NAV3: variants seen among roughly 807,000 people sequenced by gnomAD.
The protein encoded by NAV3 is neuron navigator 3.
NAV3 carries 87 observed loss-of-function variants against 244.7 expected under a neutral mutation model. The ratio of observed to expected loss-of-function variants is 0.36; its 90% CI spans 0.30 to 0.42. The LOEUF is 0.42. NAV3 is among the 20% of genes least tolerant of loss of function. The probability of loss-of-function intolerance (pLI) is 1.00; values close to 1 mark genes in which losing one functional copy is unlikely to be tolerated. For missense variants in NAV3, 2,663 were observed against 2,893.3 expected, an observed-to-expected ratio of 0.92 and a Z score of 1.83; for synonymous variants, 1,126 against 1,042.2, an observed-to-expected ratio of 1.08 and a Z score of -1.55.
At chr12:78,088,848 C>G (rs1376653072) in intron 12 of NAV3, 1 of 152,046 alleles carries the variant, frequency 6.6e-6, no homozygotes, top group African/African-American at 2.4e-5. Flanking sequence ...ACATGTCATA[C>G]TAGCAAAGAC....
At chr12:78,114,670 C>G (rs1955280255) in intron 12 of NAV3, among the ~76,000 whole-genome samples, 1 of 152,124 alleles carries the variant, frequency 6.6e-6, no homozygotes, top group African/African-American at 2.4e-5. Context: ...ATTATGGGAA[C>G]TACTACAATT....
At chr12:77,656,090 C>G (rs759640702) in intron 2 of NAV3, among the ~76,000 whole-genome samples, 1 of 151,332 alleles carries the variant, frequency 6.6e-6, no homozygotes, top group African/African-American at 2.4e-5. Context: ...ATGAGAGGTT[C>G]AAATTCACAC....
intron 2 of NAV3, among the ~76,000 whole-genome samples, chr12:77,656,536 T>G (rs1463084369): frequency 8.3e-6 from 1 of 121,016 alleles, no homozygotes; most frequent in African/African-American, 3.8e-5. Flanking sequence ...ACTGTCAACA[T>G]TAGACAGATC....
chr12:78,082,900 C>T (rs1483720714), intron 12 of NAV3, among the ~76,000 whole-genome samples: 1 of 152,134 alleles, frequency 6.6e-6, no homozygotes, highest in Non-Finnish European at 1.5e-5. Context: ...AGTCCTTGTA[C>T]ACATTCTTTT....
At chr12:78,164,373 T>C (rs1957692249) in intron 23 of NAV3, among the ~76,000 whole-genome samples, 1 of 151,878 alleles carries the variant, frequency 6.6e-6, no homozygotes, top group Non-Finnish European at 1.5e-5. Flanking sequence ...CTCTGAAACA[T>C]TTTTTTGGGT....
intron 2 of NAV3, among the ~76,000 whole-genome samples, chr12:77,574,160 A>G (rs1376503331): frequency 6.6e-6 from 1 of 152,134 alleles, no homozygotes; most frequent in Non-Finnish European, 1.5e-5. Context: ...GGAATGGAAG[A>G]GGAATGAATG....
chr12:78,088,232 A>T (rs1953738032), intron 12 of NAV3, among the ~76,000 whole-genome samples: 1 of 151,974 alleles, frequency 6.6e-6, no homozygotes, highest in African/African-American at 2.4e-5. Flanking sequence ...CAATTAGTTG[A>T]TTGTTCTGAA....
chr12:77,778,868 A>G (rs985885409), intron 2 of NAV3, among the ~76,000 whole-genome samples: 7 of 152,238 alleles, frequency 4.6e-5, no homozygotes, highest in African/African-American at 1.7e-4. Flanking sequence ...TCTTTGGGAC[A>G]AAAAGAAGCT....
intron 2 of NAV3, among the ~76,000 whole-genome samples, chr12:77,781,726 A>G (rs527756709): frequency 1.3e-5 from 2 of 152,308 alleles, no homozygotes; most frequent in East Asian, 3.9e-4. Context: ...TGTCCCAGAT[A>G]CTTTTGGTTT....
intron 1 of NAV3, among the ~76,000 whole-genome samples, chr12:77,890,522 TA>T (rs1268773674): frequency 6.6e-6 from 1 of 152,190 alleles, no homozygotes; most frequent in African/African-American, 2.4e-5. Flanking sequence ...ATAAATACAA[TA>T]TTTATATGTT....
intron 2 of NAV3, among the ~76,000 whole-genome samples, chr12:77,683,483 A>T (rs1195303370): frequency 1.3e-5 from 2 of 152,022 alleles, no homozygotes; most frequent in East Asian, 3.9e-4. Context: ...CTTTTTGCTT[A>T]GGATTGCTTC....
At chr12:77,598,659 A>T (rs899853520) in intron 2 of NAV3, among the ~76,000 whole-genome samples, 2 of 151,952 alleles carry the variant, frequency 1.3e-5, no homozygotes, top group African/African-American at 4.8e-5. Context: ...TACACCCGGG[A>T]AACCATTACC....
intron 5 of NAV3, among the ~76,000 whole-genome samples, chr12:77,993,028 A>T (rs1468011315): frequency 2.0e-5 from 3 of 152,214 alleles, no homozygotes; most frequent in African/African-American, 7.2e-5. Context: ...GGTTCAAAGT[A>T]CAGTATCCTT....
intron 2 of NAV3, among the ~76,000 whole-genome samples, chr12:77,747,563 G>A (rs1348929584): frequency 6.6e-6 from 1 of 152,170 alleles, no homozygotes; most frequent in Non-Finnish European, 1.5e-5. Flanking sequence ...AAATCATGCT[G>A]CTATAAAGAC....
At chr12:77,654,707 C>A (rs1021361661) in intron 2 of NAV3, among the ~76,000 whole-genome samples, 2 of 152,156 alleles carry the variant, frequency 1.3e-5, no homozygotes, top group Admixed American at 6.5e-5. Flanking sequence ...AGGAACCCCC[C>A]AGTAGGGGCA....
chr12:78,203,264 C>T (rs1959922662), intron 38 of NAV3, among the ~76,000 whole-genome samples: 1 of 152,000 alleles, frequency 6.6e-6, no homozygotes. Flanking sequence ...CTGGATGGTT[C>T]TTTAAAAACC....
chr12:78,131,183 G>C (rs910942915), intron 18 of NAV3, among the ~76,000 whole-genome samples: 1 of 152,136 alleles, frequency 6.6e-6, no homozygotes, highest in Non-Finnish European at 1.5e-5. Context: ...CCAGCTTTCA[G>C]CCAGGACAAG....
Position 77,855,865 on chromosome 12 carries a change from C to T in NAV3, c.243+24161C>T, listed in dbSNP as rs571583231. Among the ~76,000 whole-genome samples, 11 of 152,322 alleles carry T rather than the reference C, an allele frequency of 7.2e-5. 1 individual carries two copies. The South Asian group carries it at 2.3e-3, about 32-fold the overall frequency. On this transcript the variant is annotated intron_variant, in intron 1 of 39. Coordinates refer to ENST00000397909, the MANE Select transcript of NAV3 (RefSeq NM_001024383.2). ...CTCAGAAGAAGGAACTCCTAGCTGA[C>T]CTTAGCCCAAATTGTCACCCTACAG... is the stretch of plus-strand genomic sequence containing the variant.
chr12:78,131,901 G>A (rs1225183777), intron 18 of NAV3, among the ~76,000 whole-genome samples: 2 of 152,118 alleles, frequency 1.3e-5, no homozygotes, highest in African/African-American at 2.4e-5. Context: ...ATATGCCTGA[G>A]CTTTGTCTAC....
Sources: allele counts gnomAD v4.1 joint callset (sites outside exome capture counted in the v4.1 genomes callset), GRCh38; gene constraint gnomAD v4.1.1; transcripts MANE v1.5; gene names NCBI Gene and HGNC (gene_info 2026-07-23, HGNC 2026-07-21).